NKAIN2: variants seen among roughly 807,000 people sequenced by gnomAD.
The protein encoded by NKAIN2 is sodium/potassium transporting ATPase interacting 2, also known as sodium/potassium-transporting ATPase subunit beta-1-interacting protein 2.
NKAIN2 carries 14 observed loss-of-function variants against 32.6 expected under a neutral mutation model. That is an observed-to-expected ratio of 0.43 (90% CI 0.28 to 0.67). The LOEUF (loss-of-function observed/expected upper bound fraction) is 0.67, where lower values mean the gene tolerates loss of function less well. NKAIN2 is among the 30% of genes least tolerant of loss of function. NKAIN2 has a pLI of 0.17. For synonymous variants in NKAIN2, 80 were observed against 87.2 expected (o/e 0.92, Z 0.46); for missense variants, 198 against 258.3 (o/e 0.77, Z 1.60).
intron 4 of NKAIN2, among the ~76,000 whole-genome samples, chr6:124,725,125 C>T (rs1562346736): frequency 6.6e-6 from 1 of 152,152 alleles, no homozygotes; most frequent in South Asian, 2.1e-4. Flanking sequence ...TTCAAATGAA[C>T]CATCATGTTA....
intron 4 of NKAIN2, among the ~76,000 whole-genome samples, chr6:124,688,155 G>A (rs1774080480): frequency 6.6e-6 from 1 of 151,888 alleles, no homozygotes; most frequent in Non-Finnish European, 1.5e-5. Flanking sequence ...TGTTCTGCAA[G>A]CGTTAACAAA....
intron 1 of NKAIN2, among the ~76,000 whole-genome samples, chr6:124,163,925 G>T (rs961050731): frequency 6.6e-6 from 1 of 151,930 alleles, no homozygotes; most frequent in East Asian, 1.9e-4. Context: ...GCAGAAAGAC[G>T]AATAGAGAGC....
chr6:124,449,945 G>A (rs1776035043), intron 3 of NKAIN2, among the ~76,000 whole-genome samples: 1 of 151,944 alleles, frequency 6.6e-6, no homozygotes, highest in African/African-American at 2.4e-5. Context: ...TTTATTTTTT[G>A]TCCAGGACAG....
chr6:124,380,012 T>C (rs536040608), intron 3 of NKAIN2, among the ~76,000 whole-genome samples: 1 of 152,296 alleles, frequency 6.6e-6, no homozygotes, highest in African/African-American at 2.4e-5. Flanking sequence ...TTATATACCC[T>C]TTGAAACTGC....
At position 124,818,386 on chromosome 6, in the gene NKAIN2, G is replaced by T; in HGVS notation, c.536-1G>T. ...CTAATTAATGAATTGTCCCTTTTCA[G>T]TTGATTTCATAGGTGGCTTTGACTC... On this transcript the variant is annotated splice_acceptor_variant, in intron 5 of 6. Transcript: ENST00000368417. LOFTEE classifies it high-confidence loss of function. The T allele has an allele frequency of 1.3e-6, 2 of 1,578,510 alleles. No homozygotes were observed. The highest frequency in any genetic ancestry group is 2.2e-5 in the South Asian group (2 of 89,988).
intron 3 of NKAIN2, among the ~76,000 whole-genome samples, chr6:124,602,754 A>G (rs1388173392): frequency 6.6e-6 from 1 of 151,922 alleles, no homozygotes; most frequent in African/African-American, 2.4e-5. Flanking sequence ...TTGAGGTCAA[A>G]CAGTATACTT....
chr6:124,560,461 C>T (rs577834971), intron 3 of NKAIN2, among the ~76,000 whole-genome samples: 3 of 152,298 alleles, frequency 2.0e-5, no homozygotes, highest in African/African-American at 4.8e-5. Flanking sequence ...AGTGCAAGAA[C>T]GAACTAATAC....
chr6:124,687,272 ATATAGAGAGAGAATATATATATTC>A (rs1773955952), intron 4 of NKAIN2, among the ~76,000 whole-genome samples: 1 of 139,150 alleles, frequency 7.2e-6, no homozygotes, highest in South Asian at 2.2e-4. Context: ...TTCTCTCTAT[ATATAGAGAGAGAATATATATATTC>A]TATATATAGA....
intron 4 of NKAIN2, among the ~76,000 whole-genome samples, chr6:124,711,273 T>A (rs1451944432): frequency 1.5e-5 from 1 of 64,790 alleles, no homozygotes. Flanking sequence ...ATTTTTTCCT[T>A]CATTTCAACC....
At chr6:124,443,296 A>G (rs1423814225) in intron 3 of NKAIN2, among the ~76,000 whole-genome samples, 1 of 152,158 alleles carries the variant, frequency 6.6e-6, no homozygotes, top group African/African-American at 2.4e-5. Context: ...GGTTCCATCA[A>G]TATAGTGAAC....
At chr6:124,685,635 C>G (rs929604095) in intron 4 of NKAIN2, among the ~76,000 whole-genome samples, 11 of 152,178 alleles carry the variant, frequency 7.2e-5, no homozygotes, top group African/African-American at 2.4e-4. Context: ...AAATGCTATC[C>G]TAAGAACCCT....
intron 3 of NKAIN2, among the ~76,000 whole-genome samples, chr6:124,456,455 T>C (rs2114635514): frequency 6.6e-6 from 1 of 152,060 alleles, no homozygotes; most frequent in Admixed American, 6.6e-5. Context: ...CTTAAATATT[T>C]TTAGGTATGA....
At chr6:123,924,365 AT>A (rs1775911351) in intron 1 of NKAIN2, among the ~76,000 whole-genome samples, 1 of 152,216 alleles carries the variant, frequency 6.6e-6, no homozygotes, top group South Asian at 2.1e-4. Flanking sequence ...GTTAGAAACA[AT>A]TTGGAATTCA....
intron 1 of NKAIN2, among the ~76,000 whole-genome samples, chr6:123,923,963 T>TA (rs1167195762): frequency 1.3e-5 from 2 of 151,548 alleles, no homozygotes; most frequent in South Asian, 2.1e-4. Flanking sequence ...TAAAAAAAAT[T>TA]AAAAAAATTA....
At chr6:124,238,105 G>A (rs1792873709) in intron 1 of NKAIN2, among the ~76,000 whole-genome samples, 1 of 151,962 alleles carries the variant, frequency 6.6e-6, no homozygotes, top group Non-Finnish European at 1.5e-5. Flanking sequence ...AAAAAGGGTT[G>A]GGAGTTCAGC....
At chr6:124,284,435 AT>A (rs1383113744) in intron 2 of NKAIN2, among the ~76,000 whole-genome samples, 1 of 152,164 alleles carries the variant, frequency 6.6e-6, no homozygotes, top group African/African-American at 2.4e-5. Flanking sequence ...GAAAGTAGTC[AT>A]TACATTAACT....
intron 1 of NKAIN2, among the ~76,000 whole-genome samples, chr6:123,941,355 A>G (rs1483857779): frequency 6.6e-6 from 1 of 151,910 alleles, no homozygotes; most frequent in Non-Finnish European, 1.5e-5. Flanking sequence ...CCAGTCATAT[A>G]GTCATTTATT....
intron 1 of NKAIN2, among the ~76,000 whole-genome samples, chr6:124,004,974 C>A (rs1562303391): frequency 6.6e-6 from 1 of 151,300 alleles, no homozygotes; most frequent in Non-Finnish European, 1.5e-5. Context: ...TCTGTAATCC[C>A]AGTACTTTGG....
intron 3 of NKAIN2, among the ~76,000 whole-genome samples, chr6:124,614,219 C>G (rs1782797611): frequency 6.6e-6 from 1 of 152,090 alleles, no homozygotes; most frequent in Admixed American, 6.6e-5. Flanking sequence ...CATGGTGAAG[C>G]CCCATCTCTA....
Sources: gnomAD v4.1 joint callset for allele counts (sites outside exome capture counted in the v4.1 genomes callset) on GRCh38, gnomAD v4.1.1 for gene constraint, MANE v1.5 for transcripts, NCBI Gene and HGNC (gene_info 2026-07-23, HGNC 2026-07-21) for gene names.